The following STK33 variants were observed in gnomAD, a reference collection of about 807,000 sequenced individuals.
STK33 encodes the protein serine/threonine kinase 33.
In STK33, 52 loss-of-function variants were observed where a neutral mutation model predicts 58.0. The observed-to-expected ratio is 0.90, with a 90% CI of 0.72 to 1.13. The LOEUF (loss-of-function observed/expected upper bound fraction) is 1.13, where lower values mean the gene tolerates loss of function less well. Among genes scored for constraint, STK33 ranks in the 50% most tolerant of loss-of-function variants. The pLI is 0.00. For synonymous variants in STK33, 215 were observed against 200.1 expected, an observed-to-expected ratio of 1.07 and a Z score of -0.63; for missense variants, 630 against 604.2, an observed-to-expected ratio of 1.04 and a Z score of -0.45.
intron 1 of STK33, among the ~76,000 whole-genome samples, chr11:8,579,684 T>C (rs1958430878): frequency 6.6e-6 from 1 of 152,108 alleles, no homozygotes; most frequent in Admixed American, 6.5e-5. Flanking sequence ...TTACTGCTCA[T>C]TTCGTTCACA....
chr11:8,557,688 G>A (rs1331223749), intron 1 of STK33, among the ~76,000 whole-genome samples: 1 of 151,036 alleles, frequency 6.6e-6, no homozygotes, highest in African/African-American at 2.4e-5. Context: ...CCTCAAAAAG[G>A]AACTTCAGCA....
Position 8,456,905 on chromosome 11 carries a change from G to A in STK33, c.697+436C>T, listed in dbSNP as rs1416294511. Among the ~76,000 whole-genome samples, 4 of 152,084 alleles carry A rather than the reference G, an allele frequency of 2.6e-5. No homozygotes were observed. In the East Asian group the frequency reaches 5.8e-4, roughly 22 times the overall value. On this transcript the variant is annotated intron_variant, in intron 9 of 15. Transcript: ENST00000687296. ...GGGGATTTTGACAGTGGGGCAGGTT[G>A]TGCATAAGTGCGAGCAGGGGAGTAT...
At chr11:8,345,924 C>T in the STK33 span, among the ~76,000 whole-genome samples, 1 of 152,208 alleles carries the variant, frequency 6.6e-6, no homozygotes, top group Non-Finnish European at 1.5e-5. Context: ...ACAGCTTCCA[C>T]GTACCGAGTG....
intron 1 of STK33, among the ~76,000 whole-genome samples, chr11:8,513,350 T>C (rs1591559917): frequency 6.6e-6 from 1 of 152,202 alleles, no homozygotes; most frequent in Admixed American, 6.5e-5. Flanking sequence ...TCCTACCACC[T>C]TGCTTTCAAA....
chr11:8,395,214 T>C (rs975864303), intron 15 of STK33, among the ~76,000 whole-genome samples: 1 of 152,162 alleles, frequency 6.6e-6, no homozygotes, highest in African/African-American at 2.4e-5. Context: ...CATAATTCCG[T>C]GTTGTGGGAG....
At chr11:8,467,461 T>C (rs149189806) in intron 6 of STK33, 5,107 of 152,386 alleles carry the variant, frequency 0.034, 139 homozygotes, top group South Asian at 0.08. Flanking sequence ...GAGTCACCTT[T>C]GCTCCAGTTC....
chr11:8,486,095 C>A (rs1467983833), intron 1 of STK33, among the ~76,000 whole-genome samples: 4 of 152,166 alleles, frequency 2.6e-5, no homozygotes, highest in African/African-American at 9.7e-5. Flanking sequence ...AACTGGTCAA[C>A]CTGACTCCAA....
Position 8,500,050 on chromosome 11 carries a change from C to T in STK33, c.-465-19436G>A, listed in dbSNP as rs553545000. On this transcript the variant is annotated intron_variant, in intron 1 of 15. Transcript: ENST00000687296. ...AAACCTACACGTTCTGCACATGTAC[C>T]CCAGAACTTAAAATATAATTTTAAA... Among the ~76,000 whole-genome samples, 31 of 152,030 alleles carry T rather than the reference C, an allele frequency of 2.0e-4. 1 individual carries two copies. In the South Asian group the frequency reaches 6.3e-3, roughly 31 times the overall value.
intron 1 of STK33, among the ~76,000 whole-genome samples, chr11:8,523,439 C>T (rs1299884466): frequency 6.6e-6 from 1 of 151,616 alleles, no homozygotes; most frequent in South Asian, 2.1e-4. Flanking sequence ...CGTCTCTGCC[C>T]GGCCGCCCCG....
chr11:8,397,844 TG>T (rs34867695), intron 15 of STK33, among the ~76,000 whole-genome samples: 33,983 of 150,376 alleles, frequency 0.23, 4,124 homozygotes, highest in South Asian at 0.36. Flanking sequence ...TTCGATCAAC[TG>T]GAAGAAACAG....
chr11:8,452,979 CACATTGAATTT>C, intron 10 of STK33, 73 bp from the exon 11 acceptor site: 2 of 1,300,280 alleles, frequency 1.5e-6, no homozygotes. Context: ...GATAAGACTT[CACATTGAATTT>C]GCATTGAATT....
At chr11:8,467,693 T>A (rs1222990708) in intron 6 of STK33, 2 of 152,626 alleles carry the variant, frequency 1.3e-5, no homozygotes, top group African/African-American at 4.8e-5. Flanking sequence ...ATGCCTGTAA[T>A]CCCAGTATTT....
At chr11:8,346,938 C>A in the STK33 span, among the ~76,000 whole-genome samples, 1 of 152,110 alleles carries the variant, frequency 6.6e-6, no homozygotes, top group East Asian at 1.9e-4. Context: ...AATCATAGAC[C>A]TTTATTTTCT....
chr11:8,516,953 C>T (rs969360682), intron 1 of STK33, among the ~76,000 whole-genome samples: 1 of 152,182 alleles, frequency 6.6e-6, no homozygotes, highest in African/African-American at 2.4e-5. Flanking sequence ...CAGACTTAAA[C>T]GTCCCTGTGT....
At chr11:8,364,406 C>T in the STK33 span, among the ~76,000 whole-genome samples, 10 of 152,232 alleles carry the variant, frequency 6.6e-5, no homozygotes, top group African/African-American at 2.4e-4. Context: ...AGAGACAACA[C>T]AACTGCACAC....
the STK33 span, among the ~76,000 whole-genome samples, chr11:8,353,064 C>T: frequency 6.6e-6 from 1 of 152,228 alleles, no homozygotes; most frequent in Non-Finnish European, 1.5e-5. Flanking sequence ...TCTTTCACTC[C>T]CTAGATCTAC....
the STK33 span, among the ~76,000 whole-genome samples, chr11:8,351,333 C>G: frequency 6.6e-6 from 1 of 152,236 alleles, no homozygotes; most frequent in Non-Finnish European, 1.5e-5. Context: ...TCTCCCCACC[C>G]TGCGAGCTGG....
the STK33 span, among the ~76,000 whole-genome samples, chr11:8,367,953 G>C: frequency 6.6e-6 from 1 of 152,110 alleles, no homozygotes; most frequent in East Asian, 1.9e-4. Flanking sequence ...AGTGACTTGG[G>C]CCAGAGCTCT....
chr11:8,443,920 A>C (rs1945083339), intron 11 of STK33, among the ~76,000 whole-genome samples: 1 of 152,148 alleles, frequency 6.6e-6, no homozygotes, highest in African/African-American at 2.4e-5. Context: ...GGTGGGAGGA[A>C]CGTTTGAGCC....
Sources: gnomAD v4.1 joint callset for allele counts (sites outside exome capture counted in the v4.1 genomes callset) on GRCh38, gnomAD v4.1.1 for gene constraint, MANE v1.5 for transcripts, NCBI Gene and HGNC (gene_info 2026-07-23, HGNC 2026-07-21) for gene names.